PCDHA13: variants seen among roughly 807,000 people sequenced by gnomAD.
The protein encoded by PCDHA13 is protocadherin alpha 13.
PCDHA13 carries 54 observed loss-of-function variants against 64.8 expected under a neutral mutation model. That is an observed-to-expected ratio of 0.83 (90% CI 0.67 to 1.04). The LOEUF (loss-of-function observed/expected upper bound fraction) is 1.04, where lower values mean the gene tolerates loss of function less well. Ranked by LOEUF, PCDHA13 falls within the 50% of genes least tolerant of loss-of-function variation. The pLI is 0.00. For missense variants in PCDHA13, 1,248 were observed against 1,254.3 expected (o/e 0.99, Z 0.08); for synonymous variants, 587 against 564.4 (o/e 1.04, Z -0.57).
chr5:140,969,424 G>A (rs1554231783), intron 1 of PCDHA13: 1 of 1,558,342 alleles, frequency 6.4e-7, no homozygotes, highest in South Asian at 1.2e-5. Context: ...GTCATTAACA[G>A]TGACAAGAGT....
At chr5:140,915,686 A>G (rs1440972076) in intron 1 of PCDHA13, among the ~76,000 whole-genome samples, 2 of 150,988 alleles carry the variant, frequency 1.3e-5, no homozygotes, top group African/African-American at 2.4e-5. Flanking sequence ...AACTAGGGGT[A>G]TGGTGATGCA....
At chr5:140,927,366 A>C in intron 1 of PCDHA13, 1 of 1,614,088 alleles carries the variant, frequency 6.2e-7, no homozygotes, top group Non-Finnish European at 8.5e-7. Context: ...GCAATGGGAT[A>C]CTAAGCTACA....
intron 3 of PCDHA13, among the ~76,000 whole-genome samples, chr5:140,986,890 G>A (rs965456573): frequency 6.6e-6 from 1 of 152,124 alleles, no homozygotes; most frequent in Non-Finnish European, 1.5e-5. Flanking sequence ...CAAATTCTTA[G>A]GCCCTATCCT....
At position 140,882,331 on chromosome 5, in the gene PCDHA13, C is replaced by G. The variant is rs781801545; in HGVS notation, c.63C>G (p.Leu21=). Residue 21 remains leucine, a synonymous_variant, in exon 1 of 4, where the codon CTC becomes CTG. Coordinates refer to ENST00000289272, the MANE Select transcript of PCDHA13 (RefSeq NM_018904.3). ...AACTACTGCTCTGGCTTCTGATCCT[C>G]GCAGCCTGGGAGACGGGTAGTGGCC... The part of the protein sequence containing the change: ...PRQLLLWLLI[L]AAWETGSGQL... 1.9e-6 allele frequency: 3 copies of G among 1,614,214 alleles called. No individual in the cohort carries two copies. The highest frequency in any genetic ancestry group is 1.1e-5 in the South Asian group (1 of 91,076).
intron 1 of PCDHA13, among the ~76,000 whole-genome samples, chr5:140,934,332 T>C (rs1452316834): frequency 1.3e-5 from 2 of 152,140 alleles, no homozygotes; most frequent in Non-Finnish European, 2.9e-5. Flanking sequence ...ATGAATGTAA[T>C]AACCACCAGT....
At chr5:140,966,447 C>T (rs373859357) in intron 1 of PCDHA13, 40 of 425,326 alleles carry the variant, frequency 9.4e-5, no homozygotes, top group Middle Eastern at 5.8e-4. Context: ...CTCCCTTTCC[C>T]CCTCCCCCTC....
chr5:140,891,933 C>T (rs1554185011), intron 1 of PCDHA13, among the ~76,000 whole-genome samples: 1 of 152,220 alleles, frequency 6.6e-6, no homozygotes, highest in African/African-American at 2.4e-5. Flanking sequence ...TGATCTTGGA[C>T]TTCCCCTAGG....
chr5:140,990,562 C>T (rs2097400496), intron 3 of PCDHA13, among the ~76,000 whole-genome samples: 1 of 152,210 alleles, frequency 6.6e-6, no homozygotes, highest in Non-Finnish European at 1.5e-5. Context: ...CAAGAACACA[C>T]ACCTGTTCGA....
At chr5:140,999,526 C>A (rs1429753507) in intron 3 of PCDHA13, among the ~76,000 whole-genome samples, 2 of 152,026 alleles carry the variant, frequency 1.3e-5, no homozygotes, top group Non-Finnish European at 2.9e-5. Context: ...TTTGTTACCC[C>A]CTGGATATGA....
At chr5:140,930,002 C>T (rs1304233576) in intron 1 of PCDHA13, 4 of 152,196 alleles carry the variant, frequency 2.6e-5, no homozygotes, top group African/African-American at 9.6e-5. Flanking sequence ...CACCCTAAAA[C>T]ATAGCTGATA....
At chr5:140,991,298 A>G (rs555776023) in intron 3 of PCDHA13, among the ~76,000 whole-genome samples, 1 of 152,288 alleles carries the variant, frequency 6.6e-6, no homozygotes, top group Non-Finnish European at 1.5e-5. Context: ...ACACATTACT[A>G]TTATCTTGTC....
chr5:140,905,864 A>C (rs265313), intron 1 of PCDHA13, among the ~76,000 whole-genome samples: 7,097 of 152,260 alleles, frequency 0.047, 295 homozygotes, highest in African/African-American at 0.11. Context: ...AACTCACACA[A>C]TCACAAGGCC....
intron 3 of PCDHA13, among the ~76,000 whole-genome samples, chr5:141,005,129 C>T (rs1554259896): frequency 6.6e-6 from 1 of 152,180 alleles, no homozygotes; most frequent in African/African-American, 2.4e-5. Context: ...CCAAAAGTGC[C>T]TCATTGGAGA....
chr5:140,957,614 T>C (rs1208546101), intron 1 of PCDHA13, among the ~76,000 whole-genome samples: 6 of 152,134 alleles, frequency 3.9e-5, no homozygotes, highest in African/African-American at 1.4e-4. Flanking sequence ...CACAGACATA[T>C]ACATGCACAC....
intron 1 of PCDHA13, among the ~76,000 whole-genome samples, chr5:140,912,832 TA>T (rs1188685241): frequency 1.3e-5 from 2 of 152,202 alleles, no homozygotes; most frequent in African/African-American, 2.4e-5. Context: ...TGAATTTTAT[TA>T]AATGCTTTTT....
intron 1 of PCDHA13, among the ~76,000 whole-genome samples, chr5:140,897,896 T>C (rs1377037458): frequency 6.6e-6 from 1 of 152,204 alleles, no homozygotes; most frequent in Non-Finnish European, 1.5e-5. Context: ...TGGTGTGAGA[T>C]GGTATCTCAT....
chr5:140,967,907 A>C (rs1311525554), intron 1 of PCDHA13: 1 of 1,614,180 alleles, frequency 6.2e-7, no homozygotes, highest in Non-Finnish European at 8.5e-7. Flanking sequence ...TGCTACACCC[A>C]ACACCATTGT....
intron 1 of PCDHA13, chr5:140,928,181 C>T (rs782130459): frequency 2.5e-6 from 4 of 1,614,186 alleles, no homozygotes; most frequent in Non-Finnish European, 3.4e-6. Flanking sequence ...ACCCGAAGGA[C>T]AATCACTGTG....
intron 1 of PCDHA13, chr5:140,969,073 G>A (rs781937942): frequency 1.4e-5 from 23 of 1,613,974 alleles, no homozygotes; most frequent in South Asian, 5.5e-5. Context: ...CCAGGATACC[G>A]CATGGCCTCA....
Sources: gnomAD v4.1 joint callset for allele counts (sites outside exome capture counted in the v4.1 genomes callset) on GRCh38, gnomAD v4.1.1 for gene constraint, MANE v1.5 for transcripts, NCBI Gene and HGNC (gene_info 2026-07-23, HGNC 2026-07-21) for gene names.